The following GPHN variants were observed in gnomAD, a reference collection of about 807,000 sequenced individuals.
GPHN encodes the protein gephyrin.
GPHN carries 17 observed loss-of-function variants against 95.5 expected under a neutral mutation model. The ratio of observed to expected loss-of-function variants is 0.18; its 90% CI spans 0.12 to 0.27. The LOEUF (loss-of-function observed/expected upper bound fraction) is 0.27. Ranked by LOEUF, GPHN falls within the 10% of genes least tolerant of loss-of-function variation. The pLI is 1.00. For synonymous variants in GPHN, 320 were observed against 322.5 expected (o/e 0.99, Z 0.08); for missense variants, 660 against 978.1 (o/e 0.67, Z 4.34).
intron 21 of GPHN, chr14:67,169,258 C>T: frequency 3.5e-6 from 2 of 578,616 alleles, no homozygotes; most frequent in East Asian, 2.9e-5. Context: ...GATAGAAGTC[C>T]ATATACGAGT....
chr14:67,377,817 GCCACA>G, the GPHN span, among the ~76,000 whole-genome samples: 1 of 151,974 alleles, frequency 6.6e-6, no homozygotes, highest in Non-Finnish European at 1.5e-5. Flanking sequence ...GCTTTTAACA[GCCACA>G]CTTGGCTATG....
At chr14:66,962,707 T>C (rs570959957) in intron 8 of GPHN, among the ~76,000 whole-genome samples, 11 of 152,060 alleles carry the variant, frequency 7.2e-5, no homozygotes, top group Non-Finnish European at 1.6e-4. Context: ...TAATGGCTTC[T>C]TTTCAGCTCT....
the GPHN span, among the ~76,000 whole-genome samples, chr14:67,699,608 A>AG: frequency 1.3e-5 from 2 of 149,936 alleles, no homozygotes; most frequent in African/African-American, 4.9e-5. Context: ...AAAAAAAAAA[A>AG]AAAAGAAACA....
At chr14:66,546,633 G>A (rs532180346) in intron 1 of GPHN, among the ~76,000 whole-genome samples, 142 of 152,224 alleles carry the variant, frequency 9.3e-4, no homozygotes, top group Middle Eastern at 3.4e-3. Flanking sequence ...CCAGTCAGGC[G>A]TGGCGGCGCG....
intron 1 of GPHN, among the ~76,000 whole-genome samples, chr14:66,600,589 T>C (rs536586053): frequency 6.1e-4 from 93 of 152,224 alleles, no homozygotes; most frequent in African/African-American, 2.1e-3. Flanking sequence ...TCATTAATAT[T>C]GAACTCATGT....
the GPHN span, chr14:67,317,412 AC>A: frequency 6.2e-7 from 1 of 1,610,722 alleles, no homozygotes; most frequent in Non-Finnish European, 8.5e-7. Context: ...CAACAGGAAA[AC>A]TGTGGTGTGC....
At chr14:67,600,158 C>T in the GPHN span, 1 of 1,590,560 alleles carries the variant, frequency 6.3e-7, no homozygotes, top group Non-Finnish European at 8.6e-7. Flanking sequence ...CGCTGCAGCG[C>T]CAGGCGGCCG....
At chr14:66,876,372 T>C (rs1260461151) in intron 4 of GPHN, among the ~76,000 whole-genome samples, 2 of 151,878 alleles carry the variant, frequency 1.3e-5, no homozygotes, top group African/African-American at 4.8e-5. Flanking sequence ...ATTCAAAAGC[T>C]AGCAGAAGAC....
At chr14:66,879,831 G>T in intron 4 of GPHN, 108 bp from the exon 5 acceptor site, 1 of 739,362 alleles carries the variant, frequency 1.4e-6, no homozygotes, top group Non-Finnish European at 2.4e-6. Context: ...CTAAAAGTAT[G>T]GTTATTGAAA....
Position 66,738,355 on chromosome 14 carries a change from A to G in GPHN, c.144-38109A>G, listed in dbSNP as rs934775176. Among the ~76,000 whole-genome samples the G allele has an allele frequency of 5.9e-5, 9 of 151,390 alleles. No individual in the cohort carries two copies. In the South Asian group the frequency reaches 1.2e-3, roughly 21 times the overall value. ...AGTCTGTTGTCACAGAAGTCATTCT[A>G]TTATAAAGTTACTTTATTATAAAGG... is the stretch of plus-strand genomic sequence containing the variant. On this transcript the variant is annotated intron_variant, in intron 2 of 22. Coordinates refer to ENST00000478722, the MANE Select transcript of GPHN (RefSeq NM_020806.5).
intron 8 of GPHN, among the ~76,000 whole-genome samples, chr14:66,936,473 C>T (rs966646463): frequency 2.6e-5 from 4 of 151,914 alleles, no homozygotes; most frequent in Admixed American, 6.6e-5. Context: ...TGTAAACAAT[C>T]GAATGTCGAA....
chr14:67,368,825 C>T, the GPHN span, among the ~76,000 whole-genome samples: 2 of 151,908 alleles, frequency 1.3e-5, no homozygotes, highest in Non-Finnish European at 2.9e-5. Context: ...TAGTTCAAGA[C>T]CAGCCTGGGC....
chr14:67,065,562 C>T (rs1360357050), intron 11 of GPHN, among the ~76,000 whole-genome samples: 3 of 152,018 alleles, frequency 2.0e-5, no homozygotes, highest in South Asian at 2.1e-4. Flanking sequence ...GTGTGGGAGT[C>T]GAAGTCTCTT....
the GPHN span, chr14:67,571,875 C>G: frequency 6.2e-7 from 1 of 1,612,730 alleles, no homozygotes; most frequent in Admixed American, 1.7e-5. Flanking sequence ...GACCAGCGGA[C>G]TAGGCAGCCC....
At chr14:67,541,911 A>AG in the GPHN span, 2 of 1,605,288 alleles carry the variant, frequency 1.2e-6, no homozygotes, top group South Asian at 2.2e-5. Context: ...GTAGACTGGC[A>AG]GAAACGCTGC....
At chr14:67,090,858 A>G (rs1159894282) in intron 12 of GPHN, among the ~76,000 whole-genome samples, 1 of 152,008 alleles carries the variant, frequency 6.6e-6, no homozygotes, top group African/African-American at 2.4e-5. Context: ...CTCTAAAATT[A>G]TGATAATTAC....
chr14:67,129,968 G>T (rs1392783713), intron 17 of GPHN, among the ~76,000 whole-genome samples: 1 of 152,062 alleles, frequency 6.6e-6, no homozygotes, highest in Non-Finnish European at 1.5e-5. Context: ...AAATAATAAT[G>T]TAATATATTG....
the GPHN span, among the ~76,000 whole-genome samples, chr14:67,226,517 C>A: frequency 2.6e-5 from 4 of 152,186 alleles, no homozygotes; most frequent in South Asian, 8.3e-4. Flanking sequence ...CACACCATCA[C>A]ACCTGGCTAA....
At chr14:67,204,972 A>G in the GPHN span, 6 of 1,586,648 alleles carry the variant, frequency 3.8e-6, no homozygotes, top group African/African-American at 1.3e-5. Context: ...TTGTCACAGA[A>G]GTCATAGAAG....
Sources: allele counts gnomAD v4.1 joint callset (sites outside exome capture counted in the v4.1 genomes callset), GRCh38; gene constraint gnomAD v4.1.1; transcripts MANE v1.5; gene names NCBI Gene and HGNC (gene_info 2026-07-23, HGNC 2026-07-21).